Variants in SNX13 observed in about 807,000 individuals in gnomAD.
SNX13 encodes the protein sorting nexin-13.
In SNX13, 45 loss-of-function variants were observed where a neutral mutation model predicts 133.6. The ratio of observed to expected loss-of-function variants is 0.34; its 90% CI spans 0.27 to 0.43. The LOEUF is 0.43. Among genes scored for constraint, SNX13 ranks in the 20% least tolerant of loss-of-function variants. The probability of loss-of-function intolerance (pLI) is 1.00; values close to 1 mark genes in which losing one functional copy is unlikely to be tolerated. For synonymous variants in SNX13, 414 were observed against 373.9 expected, an observed-to-expected ratio of 1.11 and a Z score of -1.24; for missense variants, 1,032 against 1,145.1, an observed-to-expected ratio of 0.90 and a Z score of 1.43.
chr7:17,797,253 C>T (rs1025038293), intron 24 of SNX13, among the ~76,000 whole-genome samples: 6 of 151,834 alleles, frequency 4.0e-5, no homozygotes, highest in African/African-American at 1.4e-4. Context: ...TCAAAGTGGG[C>T]ATCTGCTGAT....
intron 20 of SNX13, among the ~76,000 whole-genome samples, chr7:17,807,581 G>A (rs1785460844): frequency 6.6e-6 from 1 of 152,222 alleles, no homozygotes; most frequent in Non-Finnish European, 1.5e-5. Flanking sequence ...TCTGAAGAGA[G>A]AGGCAGATCT....
chr7:17,798,744 T>C lies in SNX13; in HGVS notation c.2459A>G (p.His820Arg). The change falls in exon 24 of 26, where the codon CAT becomes CGT. Residue 820 changes from histidine to arginine, a missense_variant. Coordinates refer to ENST00000428135, the MANE Select transcript of SNX13 (RefSeq NM_015132.5). ...GDTINRKIVDHVDWMTSPEQV... is the reference protein window; with the variant it reads ...GDTINRKIVDRVDWMTSPEQV... ...TTCAGGTGAAGTCATCCAGTCAACA[T>C]GGTCAACTATTTTTCTGAAAGTAAA... 4 of 1,557,742 alleles carry C rather than the reference T, an allele frequency of 2.6e-6. No homozygotes were observed. The highest frequency in any genetic ancestry group is 2.5e-5 in the South Asian group (2 of 81,434).
intron 1 of SNX13, among the ~76,000 whole-genome samples, chr7:17,937,418 G>A (rs1802229018): frequency 2.0e-5 from 3 of 148,218 alleles, no homozygotes; most frequent in Non-Finnish European, 3.0e-5. Context: ...GGAGGCTGAA[G>A]CACGAGAATA....
chr7:17,889,408 A>T (rs1044779874), intron 5 of SNX13: 1 of 152,168 alleles, frequency 6.6e-6, no homozygotes, highest in South Asian at 2.1e-4. Context: ...ATCAATGGAG[A>T]TAGAGGAAAG....
chr7:17,906,606 A>C (rs1798425489), intron 1 of SNX13, among the ~76,000 whole-genome samples: 1 of 152,154 alleles, frequency 6.6e-6, no homozygotes, highest in Non-Finnish European at 1.5e-5. Flanking sequence ...ATATGGCCAA[A>C]AGGTGGTTAG....
chr7:17,832,497 G>GA (rs1788611426), intron 15 of SNX13: 2 of 982,450 alleles, frequency 2.0e-6, no homozygotes, highest in Admixed American at 1.2e-4. Flanking sequence ...CAAATACGAA[G>GA]AAATTTCTAA....
intron 15 of SNX13, chr7:17,831,438 A>C (rs1788475407): frequency 1.1e-6 from 1 of 919,234 alleles, no homozygotes; most frequent in Admixed American, 6.2e-5. Context: ...ATAAAGAGAA[A>C]GGGCAAAGGA....
intron 20 of SNX13, among the ~76,000 whole-genome samples, chr7:17,809,187 C>T (rs1019792475): frequency 1.3e-5 from 2 of 149,692 alleles, no homozygotes; most frequent in South Asian, 2.1e-4. Context: ...CAAGACCCAC[C>T]GGAGTGCTGT....
intron 1 of SNX13, among the ~76,000 whole-genome samples, chr7:17,917,491 T>C (rs1316680349): frequency 1.3e-4 from 20 of 152,016 alleles, no homozygotes; most frequent in Admixed American, 1.3e-3. Flanking sequence ...ATATTATTTC[T>C]ATAGACCAAT....
chr7:17,848,083 C>T (rs1050089077), intron 11 of SNX13, among the ~76,000 whole-genome samples: 3 of 152,036 alleles, frequency 2.0e-5, no homozygotes, highest in Non-Finnish European at 2.9e-5. Context: ...CACCCATGGC[C>T]GCACACCACC....
At position 17,891,527 on chromosome 7, in the gene SNX13, AC is replaced by A. The variant is rs1663603731; in HGVS notation, c.318+18del. 3.2e-6 allele frequency: 5 copies of A among 1,578,728 alleles called. No individual in the cohort carries two copies. The highest frequency in any genetic ancestry group is 4.3e-6 in the Non-Finnish European group (5 of 1,149,748). On this transcript the variant is annotated intron_variant, in intron 4 of 25. Coordinates refer to ENST00000428135, the MANE Select transcript of SNX13 (RefSeq NM_015132.5). ...AGAACACAATATATAGAATTCAAAT[AC>A]CACACGCTGAAACTCACTTGCTGGA...
chr7:17,806,363 G>C (rs1030014724), intron 20 of SNX13, among the ~76,000 whole-genome samples: 9 of 152,100 alleles, frequency 5.9e-5, no homozygotes, highest in African/African-American at 1.9e-4. Flanking sequence ...TATTTCTCAA[G>C]TTCTGAATAG....
At position 17,800,189 on chromosome 7, in the gene SNX13, G is replaced by A. The variant is rs1784464170; in HGVS notation, c.2299-1035C>T. 2.0e-5 allele frequency among the ~76,000 whole-genome samples: 3 copies of A among 151,236 alleles called. No homozygotes were observed. In the South Asian group the frequency reaches 6.2e-4, roughly 31 times the overall value. On this transcript the variant is annotated intron_variant, in intron 22 of 25. Transcript: ENST00000428135. ...TAAACTGTAAAAACCACATACCAAA[G>A]GTACAATGTTATGGATATTATACCA...
intron 1 of SNX13, among the ~76,000 whole-genome samples, chr7:17,913,766 A>C (rs898357205): frequency 3.3e-4 from 49 of 147,770 alleles, no homozygotes; most frequent in African/African-American, 7.7e-4. Context: ...AAAACAAAAA[A>C]AAAAAAAAAA....
At chr7:17,833,640 G>C (rs1788783446) in intron 15 of SNX13, among the ~76,000 whole-genome samples, 1 of 151,582 alleles carries the variant, frequency 6.6e-6, no homozygotes, top group Non-Finnish European at 1.5e-5. Flanking sequence ...TACAATTAAA[G>C]ATATTTAAAA....
chr7:17,848,041 T>C (rs1475605807), intron 11 of SNX13, among the ~76,000 whole-genome samples: 1 of 152,040 alleles, frequency 6.6e-6, no homozygotes, highest in East Asian at 1.9e-4. Context: ...TATATCCCTG[T>C]TTTCCTGCTC....
chr7:17,937,463 AAGATCGCGCCACTGCACTCCAGCCTGG>A (rs1413157402), intron 1 of SNX13, among the ~76,000 whole-genome samples: 1 of 148,470 alleles, frequency 6.7e-6, no homozygotes, highest in Non-Finnish European at 1.5e-5. Flanking sequence ...GCAGTGAGCC[AAGATCGCGCCACTGCACTCCAGCCTGG>A]GCAACAGGGC....
chr7:17,894,298 A>G (rs1040766340), intron 2 of SNX13, among the ~76,000 whole-genome samples: 7 of 152,024 alleles, frequency 4.6e-5, no homozygotes, highest in African/African-American at 1.7e-4. Context: ...CTCGCCTCAA[A>G]AAAAAAAAGA....
chr7:17,884,417 T>C (rs552782418), intron 5 of SNX13, among the ~76,000 whole-genome samples: 1 of 152,336 alleles, frequency 6.6e-6, no homozygotes, highest in East Asian at 1.9e-4. Flanking sequence ...GTTAATTTAT[T>C]TGCCATTTTT....
Sources: gnomAD v4.1 joint callset for allele counts (sites outside exome capture counted in the v4.1 genomes callset) on GRCh38, gnomAD v4.1.1 for gene constraint, MANE v1.5 for transcripts, NCBI Gene and HGNC (gene_info 2026-07-23, HGNC 2026-07-21) for gene names.